EIF3H: variants seen among roughly 807,000 people sequenced by gnomAD.
EIF3H encodes eIF-3-gamma.
Under a neutral mutation model 44.2 loss-of-function variants are expected in EIF3H, and 26 were observed. The ratio of observed to expected loss-of-function variants is 0.59; its 90% CI spans 0.43 to 0.82. The LOEUF is 0.82. Among genes scored for constraint, EIF3H ranks in the 40% least tolerant of loss-of-function variants. EIF3H has a pLI of 0.00. For synonymous variants in EIF3H, 166 were observed against 151.9 expected (o/e 1.09, Z -0.68); for missense variants, 359 against 432.8 (o/e 0.83, Z 1.51).
Position 116,655,836 on chromosome 8 carries a change from C to T in EIF3H, c.707+20G>A, listed in dbSNP as rs760046708. 6.2e-7 allele frequency: 1 copy of T among 1,610,496 alleles called. No individual in the cohort carries two copies. Among genetic ancestry groups the T allele is most frequent in the Non-Finnish European group, 8.5e-7 (1 of 1,178,796 alleles). ...AAAAAGTTCTAAAACATGGGCTTTT[C>T]ATTAGGCAGGGCCACTTACCTGCTG... On this transcript the variant is annotated intron_variant, in intron 5 of 7. Coordinates refer to ENST00000521861, the MANE Select transcript of EIF3H (RefSeq NM_003756.3).
Position 116,656,091 on chromosome 8 carries a change from G to A in EIF3H, c.558-86C>T, listed in dbSNP as rs1054991523. 14 of 1,271,280 alleles carry A rather than the reference G, an allele frequency of 1.1e-5. No individual in the cohort carries two copies. The African/African-American group carries it at 1.4e-4, about 13-fold the overall frequency. The allele number at this position is 1,271,280 out of a possible 1,614,324, so 78.7% of individuals were successfully genotyped here. On this transcript the variant is annotated intron_variant, in intron 4 of 7. Coordinates refer to ENST00000521861, the MANE Select transcript of EIF3H (RefSeq NM_003756.3). Reference sequence around the variant, plus strand: ...CTTCATAAAATTTACCTAATTACAGGCCCTATCCAAGATCTTTGTTTCATT... The same window carrying A: ...CTTCATAAAATTTACCTAATTACAGACCCTATCCAAGATCTTTGTTTCATT...
intron 2 of EIF3H, among the ~76,000 whole-genome samples, chr8:116,668,135 C>T (rs966448847): frequency 6.6e-6 from 1 of 152,206 alleles, no homozygotes; most frequent in African/African-American, 2.4e-5. Context: ...CAACTACCTT[C>T]TGAGTAGACT....
chr8:116,761,973 A>G (rs1199018221), intron 1 of EIF3H, among the ~76,000 whole-genome samples: 1 of 152,214 alleles, frequency 6.6e-6, no homozygotes, highest in East Asian at 1.9e-4. Flanking sequence ...CACCAAATTC[A>G]AATCAAATTG....
intron 1 of EIF3H, among the ~76,000 whole-genome samples, chr8:116,742,615 T>TAC (rs1815151535): frequency 6.6e-6 from 1 of 152,212 alleles, no homozygotes; most frequent in Non-Finnish European, 1.5e-5. Context: ...CTAAGTTTAT[T>TAC]ACATTCAAGT....
chr8:116,750,441 G>A (rs867424069), intron 1 of EIF3H, among the ~76,000 whole-genome samples: 2 of 133,920 alleles, frequency 1.5e-5, no homozygotes, highest in South Asian at 2.3e-4. Flanking sequence ...ACGGAGTCTC[G>A]CTCTGTCGCC....
At position 116,742,226 on chromosome 8, in the gene EIF3H, A is replaced by G. The variant is rs141766324; in HGVS notation, c.132+13440T>C. ...TGCTATTCTCTTGGATCTAATGCTC[A>G]CTGATGGTCCACATTTTTAAAGTTA... is the stretch of plus-strand genomic sequence containing the variant. On this transcript the variant is annotated intron_variant, in intron 1 of 7. Transcript: ENST00000521861. 5.6e-3 allele frequency among the ~76,000 whole-genome samples: 860 copies of G among 152,320 alleles called. 9 individuals are homozygous for G. Among genetic ancestry groups the G allele is most frequent in the African/African-American group, 0.02 (815 of 41,574 alleles).
intron 2 of EIF3H, among the ~76,000 whole-genome samples, chr8:116,694,484 A>C (rs1412705446): frequency 6.6e-6 from 1 of 152,196 alleles, no homozygotes; most frequent in Non-Finnish European, 1.5e-5. Flanking sequence ...ATTAGTAAAA[A>C]AATCATTCAT....
chr8:116,709,389 C>T (rs556021994), intron 2 of EIF3H, among the ~76,000 whole-genome samples: 1 of 152,200 alleles, frequency 6.6e-6, no homozygotes, highest in South Asian at 2.1e-4. Context: ...TATTATTAGC[C>T]ATCTATATAA....
chr8:116,694,541 C>T (rs1013614839), intron 2 of EIF3H, among the ~76,000 whole-genome samples: 4 of 152,154 alleles, frequency 2.6e-5, no homozygotes, highest in African/African-American at 7.2e-5. Context: ...CGATAATTCT[C>T]TTTCATTTTG....
intron 2 of EIF3H, chr8:116,697,234 G>T (rs754587082): frequency 2.2e-6 from 1 of 454,370 alleles, no homozygotes; most frequent in Non-Finnish European, 4.4e-6. Context: ...AGGAAATACT[G>T]GGCCTAGATG....
At chr8:116,699,145 A>G (rs866091440) in intron 2 of EIF3H, among the ~76,000 whole-genome samples, 8 of 152,234 alleles carry the variant, frequency 5.3e-5, no homozygotes, top group Admixed American at 3.9e-4. Flanking sequence ...AAAAAAAAAA[A>G]AAAAATTGAA....
chr8:116,697,417 ACT>A (rs1814287841), intron 2 of EIF3H, among the ~76,000 whole-genome samples: 1 of 152,114 alleles, frequency 6.6e-6, no homozygotes, highest in Non-Finnish European at 1.5e-5. Flanking sequence ...GCTTTCCTCC[ACT>A]GTTTTACTAC....
intron 2 of EIF3H, among the ~76,000 whole-genome samples, chr8:116,713,194 T>C (rs1190060446): frequency 6.6e-6 from 1 of 152,098 alleles, no homozygotes; most frequent in African/African-American, 2.4e-5. Context: ...TGGGGAAACT[T>C]AGGAATTTTA....
At chr8:116,703,286 T>C (rs139848186) in intron 2 of EIF3H, among the ~76,000 whole-genome samples, 87 of 152,168 alleles carry the variant, frequency 5.7e-4, no homozygotes, top group African/African-American at 2.1e-3. Flanking sequence ...ACAGGGCCAC[T>C]AGAGGGCTCC....
At chr8:116,652,655 G>C (rs1813415589) in intron 5 of EIF3H, among the ~76,000 whole-genome samples, 2 of 151,998 alleles carry the variant, frequency 1.3e-5, no homozygotes, top group Admixed American at 6.6e-5. Context: ...TACAATTGGT[G>C]AATCTAAATG....
chr8:116,659,030 T>C, intron 2 of EIF3H, 50 bp from the exon 3 acceptor site: 2 of 1,506,302 alleles, frequency 1.3e-6, no homozygotes, highest in Non-Finnish European at 1.8e-6. Context: ...TTAATGATGT[T>C]ACCAACATCA....
intron 2 of EIF3H, among the ~76,000 whole-genome samples, chr8:116,705,596 A>C (rs766096262): frequency 6.6e-6 from 1 of 151,712 alleles, no homozygotes; most frequent in Non-Finnish European, 1.5e-5. Flanking sequence ...ATGAAAATAC[A>C]TCCAACATAT....
intron 2 of EIF3H, among the ~76,000 whole-genome samples, chr8:116,663,373 C>T (rs1813612609): frequency 6.6e-6 from 1 of 152,200 alleles, no homozygotes; most frequent in Non-Finnish European, 1.5e-5. Flanking sequence ...AGACAAGCTT[C>T]AATTTTTGTT....
intron 2 of EIF3H, among the ~76,000 whole-genome samples, chr8:116,662,084 A>G (rs1231414061): frequency 6.6e-6 from 1 of 152,220 alleles, no homozygotes; most frequent in Non-Finnish European, 1.5e-5. Flanking sequence ...TATCACCTAA[A>G]TATCAAAATA....
Sources: allele counts gnomAD v4.1 joint callset (sites outside exome capture counted in the v4.1 genomes callset), GRCh38; gene constraint gnomAD v4.1.1; transcripts MANE v1.5; gene names NCBI Gene and HGNC (gene_info 2026-07-23, HGNC 2026-07-21).